DIAPH2: variants seen among roughly 807,000 people sequenced by gnomAD.
DIAPH2 encodes protein diaphanous homolog 2.
DIAPH2 carries 35 observed loss-of-function variants against 92.7 expected under a neutral mutation model. That is an observed-to-expected ratio of 0.38 (90% CI 0.29 to 0.50). DIAPH2 has a LOEUF of 0.50. DIAPH2 is among the 20% of genes least tolerant of loss of function. The pLI is 0.94. For synonymous variants in DIAPH2, 301 were observed against 280.4 expected (o/e 1.07, Z -0.73); for missense variants, 701 against 819.5 (o/e 0.86, Z 1.77).
chrX:96,879,276 A>C (rs897208871), intron 4 of DIAPH2, among the ~76,000 whole-genome samples: 2 of 111,793 alleles, frequency 1.8e-5, no homozygotes, highest in African/African-American at 6.5e-5. Flanking sequence ...GGGAGCCAGC[A>C]ATGGAGAGGT....
intron 17 of DIAPH2, among the ~76,000 whole-genome samples, chrX:97,041,695 C>A (rs145712859): frequency 0.011 from 1,279 of 111,309 alleles, 6 homozygotes; most frequent in Middle Eastern, 0.047. Context: ...GGGTTGATTT[C>A]TTTTTACCTA....
intron 25 of DIAPH2, among the ~76,000 whole-genome samples, chrX:97,396,742 G>A (rs1237959443): frequency 8.9e-6 from 1 of 112,160 alleles, no homozygotes; most frequent in Non-Finnish European, 1.9e-5. Context: ...TTTATTCAGT[G>A]CCTACAGTGT....
intron 26 of DIAPH2, among the ~76,000 whole-genome samples, chrX:97,455,587 T>C (rs905477110): frequency 8.9e-6 from 1 of 112,260 alleles, no homozygotes; most frequent in Non-Finnish European, 1.9e-5. Flanking sequence ...CCATAAAGAA[T>C]AATGTATTTA....
chrX:96,693,302 GAT>G (rs2063807614), intron 1 of DIAPH2, among the ~76,000 whole-genome samples: 1 of 112,283 alleles, frequency 8.9e-6, no homozygotes, highest in African/African-American at 3.2e-5. Flanking sequence ...CCTCAAAACA[GAT>G]AGATGAGTGA....
intron 26 of DIAPH2, among the ~76,000 whole-genome samples, chrX:97,546,936 C>T (rs1031972405): frequency 1.8e-5 from 2 of 111,836 alleles, no homozygotes; most frequent in Non-Finnish European, 3.8e-5. Flanking sequence ...GTGTGTCACT[C>T]ACTTGCACTT....
chrX:97,509,436 CTT>C (rs58597380), intron 26 of DIAPH2, among the ~76,000 whole-genome samples: 52 of 40,352 alleles, frequency 1.3e-3, no homozygotes, highest in East Asian at 4.9e-3. Flanking sequence ...CCTGTGTGTT[CTT>C]TTTTTTTTTT....
intron 22 of DIAPH2, among the ~76,000 whole-genome samples, chrX:97,152,775 A>G (rs1423481372): frequency 8.9e-6 from 1 of 112,137 alleles, no homozygotes; most frequent in Non-Finnish European, 1.9e-5. Flanking sequence ...ATTTCTCAAC[A>G]CCTCCATGGT....
At chrX:97,251,868 A>G (rs922767112) in intron 23 of DIAPH2, among the ~76,000 whole-genome samples, 2 of 111,898 alleles carry the variant, frequency 1.8e-5, no homozygotes, top group African/African-American at 6.5e-5. Flanking sequence ...GGATAAGTTC[A>G]GAGACACCTT....
intron 21 of DIAPH2, among the ~76,000 whole-genome samples, chrX:97,118,957 T>C (rs1020912148): frequency 4.5e-5 from 5 of 112,200 alleles, no homozygotes; most frequent in African/African-American, 6.5e-5. Flanking sequence ...CTTCACTTCT[T>C]GTATCTTTTT....
At chrX:96,873,799 C>T (rs180796307) in intron 4 of DIAPH2, among the ~76,000 whole-genome samples, 207 of 110,385 alleles carry the variant, frequency 1.9e-3, no homozygotes, top group Non-Finnish European at 2.9e-3. Context: ...GTCAATATCC[C>T]AGTTGTGATA....
At chrX:96,943,313 T>G (rs1467679346) in intron 13 of DIAPH2, among the ~76,000 whole-genome samples, 1 of 111,423 alleles carries the variant, frequency 9.0e-6, no homozygotes, top group Non-Finnish European at 1.9e-5. Context: ...GAATGTGCTG[T>G]CAACATTCTT....
At position 97,240,089 on chromosome X, in the gene DIAPH2, A is replaced by G. The variant is rs191266486; in HGVS notation, c.2720-7626A>G. The stretch of plus-strand genomic sequence containing the variant: ...TTTTTTTTTGTCTGTTACCTTTTAG[A>G]CAAGTCTAGAAAGCCAAAGTGATGA... On this transcript the variant is annotated intron_variant, in intron 22 of 26. Transcript: ENST00000324765. Among the ~76,000 whole-genome samples, 3 of 111,168 alleles carry G rather than the reference A, an allele frequency of 2.7e-5. No individual in the cohort carries two copies. The Admixed American group carries it at 2.9e-4, about 11-fold the overall frequency.
chrX:96,726,377 T>C (rs1365436764), intron 1 of DIAPH2, among the ~76,000 whole-genome samples: 2 of 111,814 alleles, frequency 1.8e-5, no homozygotes, highest in Non-Finnish European at 3.8e-5. Flanking sequence ...GAGTTTACAG[T>C]ATTGCACAGA....
In DIAPH2 at chrX:97,256,750, C is replaced by T. The variant is rs752837691; in HGVS notation, c.2844+8911C>T. Among the ~76,000 whole-genome samples the T allele has an allele frequency of 1.6e-4, 18 of 111,397 alleles. 1 individual carries two copies. The highest frequency in any genetic ancestry group is 5.5e-4 in the African/African-American group (17 of 30,674). On this transcript the variant is annotated intron_variant, in intron 23 of 26. Coordinates refer to ENST00000324765, the MANE Select transcript of DIAPH2 (RefSeq NM_006729.5). ...CGCCATCTCGGCTCACTGCAACCTC[C>T]GCCTCCAAGGTTCAAGTGATTCTTC...
chrX:96,921,587 G>A (rs959545664), intron 9 of DIAPH2, among the ~76,000 whole-genome samples: 1 of 110,800 alleles, frequency 9.0e-6, no homozygotes, highest in Non-Finnish European at 1.9e-5. Context: ...AAATCCAATG[G>A]CCTCTTTCCA....
chrX:96,880,594 T>C (rs188398992), intron 4 of DIAPH2, among the ~76,000 whole-genome samples: 1 of 111,859 alleles, frequency 8.9e-6, no homozygotes, highest in East Asian at 2.8e-4. Context: ...TTATATTTCC[T>C]ATGATAGTAT....
intron 4 of DIAPH2, among the ~76,000 whole-genome samples, chrX:96,879,683 T>C (rs2065200637): frequency 9.0e-6 from 1 of 111,345 alleles, no homozygotes; most frequent in Non-Finnish European, 1.9e-5. Flanking sequence ...CTCTCGGTGA[T>C]GGTTTTACTT....
intron 4 of DIAPH2, among the ~76,000 whole-genome samples, chrX:96,874,178 G>A (rs769758548): frequency 8.9e-6 from 1 of 111,864 alleles, no homozygotes; most frequent in East Asian, 2.8e-4. Flanking sequence ...AGAGGTTACT[G>A]AAAATATGTT....
chrX:96,712,198 C>G (rs982366240), intron 1 of DIAPH2, among the ~76,000 whole-genome samples: 2 of 111,068 alleles, frequency 1.8e-5, no homozygotes, highest in Non-Finnish European at 3.8e-5. Flanking sequence ...GACTTCATCA[C>G]GCCTGCCAAC....
Sources: gnomAD v4.1 joint callset for allele counts (sites outside exome capture counted in the v4.1 genomes callset) on GRCh38, gnomAD v4.1.1 for gene constraint, MANE v1.5 for transcripts, NCBI Gene and HGNC (gene_info 2026-07-23, HGNC 2026-07-21) for gene names.